The following TMEM132C variants were observed in gnomAD, a reference collection of about 807,000 sequenced individuals.
The protein encoded by TMEM132C is transmembrane protein 132C.
In TMEM132C, 29 loss-of-function variants were observed where a neutral mutation model predicts 61.4. That is an observed-to-expected ratio of 0.47 (90% confidence interval 0.35 to 0.64). The LOEUF is 0.64. Among genes scored for constraint, TMEM132C ranks in the 30% least tolerant of loss-of-function variants. The pLI, the probability that TMEM132C is intolerant of heterozygous loss-of-function variation, is 0.00. For synonymous variants in TMEM132C, 656 were observed against 633.1 expected, an observed-to-expected ratio of 1.04 and a Z score of -0.54; for missense variants, 1,408 against 1,476.9, an observed-to-expected ratio of 0.95 and a Z score of 0.76.
At chr12:128,692,613 T>A (rs1241501848) in intron 5 of TMEM132C, among the ~76,000 whole-genome samples, 1 of 152,174 alleles carries the variant, frequency 6.6e-6, no homozygotes, top group African/African-American at 2.4e-5. Flanking sequence ...CATCTTGTCT[T>A]ATAATCTTCT....
At chr12:128,324,114 C>T (rs1305374795) in intron 1 of TMEM132C, among the ~76,000 whole-genome samples, 1 of 152,150 alleles carries the variant, frequency 6.6e-6, no homozygotes, top group Non-Finnish European at 1.5e-5. Flanking sequence ...TCGCTGTGGG[C>T]CAGTCTTTAT....
At chr12:128,331,017 A>T (rs773157989) in intron 1 of TMEM132C, among the ~76,000 whole-genome samples, 2 of 152,176 alleles carry the variant, frequency 1.3e-5, no homozygotes, top group Admixed American at 1.3e-4. Flanking sequence ...TCCAACAATA[A>T]AAGAATGAAA....
At chr12:128,646,235 T>G (rs1954197075) in intron 4 of TMEM132C, among the ~76,000 whole-genome samples, 1 of 151,914 alleles carries the variant, frequency 6.6e-6, no homozygotes, top group Non-Finnish European at 1.5e-5. Context: ...CTGGAGTCCG[T>G]CAGCGTTGGA....
chr12:128,606,213 T>G (rs1192664418), intron 3 of TMEM132C, among the ~76,000 whole-genome samples: 2 of 152,242 alleles, frequency 1.3e-5, no homozygotes, highest in African/African-American at 4.8e-5. Context: ...ACTTCTGGTA[T>G]GTGAGGCCCA....
intron 2 of TMEM132C, among the ~76,000 whole-genome samples, chr12:128,492,815 G>A (rs1233062953): frequency 6.6e-6 from 1 of 152,224 alleles, no homozygotes; most frequent in East Asian, 1.9e-4. Context: ...TGTTCACTCT[G>A]ATGGTAGTTT....
chr12:128,593,536 C>G (rs982087736), intron 3 of TMEM132C, among the ~76,000 whole-genome samples: 3 of 152,194 alleles, frequency 2.0e-5, no homozygotes, highest in Non-Finnish European at 4.4e-5. Context: ...ATGCCTGATT[C>G]CTGCATGGGA....
chr12:128,497,700 A>G (rs1325650146), intron 2 of TMEM132C, among the ~76,000 whole-genome samples: 1 of 152,076 alleles, frequency 6.6e-6, no homozygotes, highest in Non-Finnish European at 1.5e-5. Context: ...TTAGGGTGAG[A>G]GTGACCCGAT....
At chr12:128,693,170 T>C (rs1481292358) in intron 5 of TMEM132C, among the ~76,000 whole-genome samples, 1 of 152,146 alleles carries the variant, frequency 6.6e-6, no homozygotes, top group Non-Finnish European at 1.5e-5. Flanking sequence ...GCATCAGGCC[T>C]GCATGTGCAT....
At chr12:128,550,684 T>C (rs949469087) in intron 3 of TMEM132C, among the ~76,000 whole-genome samples, 2 of 152,192 alleles carry the variant, frequency 1.3e-5, no homozygotes, top group African/African-American at 4.8e-5. Flanking sequence ...AATTACCATC[T>C]TAAAAGCCTG....
chr12:128,687,291 A>G (rs1954685136), intron 5 of TMEM132C, among the ~76,000 whole-genome samples: 1 of 151,740 alleles, frequency 6.6e-6, no homozygotes, highest in African/African-American at 2.4e-5. Flanking sequence ...CCTCGGTGCT[A>G]TTGACATCTG....
chr12:128,368,496 G>C (rs2678810), intron 1 of TMEM132C, among the ~76,000 whole-genome samples: 2,168 of 152,298 alleles, frequency 0.014, 50 homozygotes, highest in African/African-American at 0.049. Flanking sequence ...CTTAGTGAAA[G>C]GGTTAATTAA....
chr12:128,518,618 A>G (rs1872796981), intron 2 of TMEM132C, among the ~76,000 whole-genome samples: 1 of 152,188 alleles, frequency 6.6e-6, no homozygotes. Flanking sequence ...CCTTTTGTAA[A>G]TTTTTAAAAG....
intron 1 of TMEM132C, among the ~76,000 whole-genome samples, chr12:128,350,324 A>G (rs533656885): frequency 3.7e-4 from 57 of 152,112 alleles, no homozygotes; most frequent in Non-Finnish European, 5.9e-4. Context: ...AGATGTGAAT[A>G]CCATGCTGGG....
intron 1 of TMEM132C, among the ~76,000 whole-genome samples, chr12:128,393,979 T>G (rs1874854575): frequency 6.6e-6 from 1 of 152,144 alleles, no homozygotes; most frequent in Non-Finnish European, 1.5e-5. Flanking sequence ...AGACGGTGTA[T>G]TAGTCCGTTT....
intron 2 of TMEM132C, among the ~76,000 whole-genome samples, chr12:128,502,775 A>T (rs1190124919): frequency 2.6e-5 from 4 of 152,104 alleles, no homozygotes; most frequent in African/African-American, 9.7e-5. Flanking sequence ...CTCACCAGAG[A>T]CTCTAATGGC....
intron 3 of TMEM132C, among the ~76,000 whole-genome samples, chr12:128,587,548 C>T (rs547253196): frequency 1.7e-3 from 262 of 152,364 alleles, no homozygotes; most frequent in African/African-American, 6.1e-3. Flanking sequence ...CACAAACATT[C>T]AGACCGTAGC....
At chr12:128,596,783 G>A (rs532456577) in intron 3 of TMEM132C, among the ~76,000 whole-genome samples, 1 of 151,272 alleles carries the variant, frequency 6.6e-6, no homozygotes, top group African/African-American at 2.5e-5. Flanking sequence ...ACCACGCACA[G>A]CAGCCCCAGC....
intron 1 of TMEM132C, among the ~76,000 whole-genome samples, chr12:128,284,018 A>G (rs149585207): frequency 6.6e-6 from 1 of 152,280 alleles, no homozygotes; most frequent in East Asian, 1.9e-4. Context: ...GAAGAATCCT[A>G]TAAAGTTCAA....
intron 1 of TMEM132C, among the ~76,000 whole-genome samples, chr12:128,346,170 C>T (rs1459835343): frequency 6.6e-6 from 1 of 152,108 alleles, no homozygotes; most frequent in Non-Finnish European, 1.5e-5. Context: ...AATCCTTTCC[C>T]CATTGCTTGT....
Sources: gnomAD v4.1 joint callset for allele counts (sites outside exome capture counted in the v4.1 genomes callset) on GRCh38, gnomAD v4.1.1 for gene constraint, MANE v1.5 for transcripts, NCBI Gene and HGNC (gene_info 2026-07-23, HGNC 2026-07-21) for gene names.